The following SCAPER variants were observed in gnomAD, a reference collection of about 807,000 sequenced individuals.
SCAPER encodes the protein S-phase cyclin A associated protein in the ER.
In SCAPER, 98 loss-of-function variants were observed where a neutral mutation model predicts 182.2. The observed-to-expected ratio is 0.54, with a 90% CI of 0.46 to 0.64. SCAPER has a LOEUF of 0.64. Ranked by LOEUF, SCAPER falls within the 30% of genes least tolerant of loss-of-function variation. The pLI, the probability that SCAPER is intolerant of heterozygous loss-of-function variation, is 0.00. For missense variants in SCAPER, 1,432 were observed against 1,690.0 expected, an observed-to-expected ratio of 0.85 and a Z score of 2.68; for synonymous variants, 605 against 564.6, an observed-to-expected ratio of 1.07 and a Z score of -1.01.
chr15:76,366,556 A>G (rs2041832753), intron 29 of SCAPER, among the ~76,000 whole-genome samples: 1 of 152,194 alleles, frequency 6.6e-6, no homozygotes. Flanking sequence ...TGCTCTAAGT[A>G]TAGTAGGATA....
intron 5 of SCAPER, among the ~76,000 whole-genome samples, chr15:76,821,247 T>C (rs182589710): frequency 2.5e-3 from 379 of 152,300 alleles, no homozygotes; most frequent in Middle Eastern, 6.8e-3. Context: ...AGTACATGAA[T>C]GAATAAACAA....
intron 2 of SCAPER, among the ~76,000 whole-genome samples, chr15:76,880,077 G>T (rs1335983811): frequency 6.6e-6 from 1 of 152,140 alleles, no homozygotes; most frequent in Non-Finnish European, 1.5e-5. Context: ...GATAACTTAG[G>T]TTTGCCCCGC....
chr15:76,349,753 G>A (rs866705884), intron 31 of SCAPER: 5 of 151,828 alleles, frequency 3.3e-5, no homozygotes, highest in Admixed American at 3.3e-4. Flanking sequence ...TTGCTGTTCT[G>A]TGGGTTAAGC....
At chr15:76,687,552 A>G (rs2058098179) in intron 20 of SCAPER, among the ~76,000 whole-genome samples, 1 of 152,060 alleles carries the variant, frequency 6.6e-6, no homozygotes, top group Admixed American at 6.5e-5. Flanking sequence ...TCAACCCATG[A>G]TCTACATTAG....
chr15:76,710,324 C>T (rs185677830), intron 17 of SCAPER, among the ~76,000 whole-genome samples: 27 of 152,206 alleles, frequency 1.8e-4, no homozygotes, highest in African/African-American at 6.5e-4. Flanking sequence ...TACAGACAGT[C>T]CCCAACTTAT....
At chr15:76,752,780 A>AAG (rs1323223582) in intron 15 of SCAPER, among the ~76,000 whole-genome samples, 1 of 151,762 alleles carries the variant, frequency 6.6e-6, no homozygotes, top group South Asian at 2.1e-4. Flanking sequence ...CAAGATGAAA[A>AAG]AGAGTAATGA....
Position 76,599,013 on chromosome 15 carries a change from T to C in SCAPER, c.2711+22751A>G, listed in dbSNP as rs532267367. On this transcript the variant is annotated intron_variant, in intron 22 of 31. Transcript: ENST00000563290. ...AATATGTATTAAGCATAAGGTTACC[T>C]GCTAGATTTTAAAAAAATAATAAAA... is the stretch of plus-strand genomic sequence containing the variant. Among the ~76,000 whole-genome samples the C allele has an allele frequency of 2.5e-5, 3 of 119,762 alleles. 1 individual carries two copies. Among genetic ancestry groups the C allele is most frequent in the African/African-American group, 7.6e-5 (3 of 39,460 alleles). The allele number at this position is 119,762 out of a possible 152,430, so 78.6% of individuals were successfully genotyped here.
intron 21 of SCAPER, among the ~76,000 whole-genome samples, chr15:76,632,043 G>A (rs936805921): frequency 1.3e-5 from 2 of 152,042 alleles, no homozygotes; most frequent in Non-Finnish European, 2.9e-5. Context: ...CAGTCTTCAA[G>A]TTCTGATATC....
chr15:76,476,180 C>T (rs2050613216), intron 24 of SCAPER, among the ~76,000 whole-genome samples: 1 of 152,202 alleles, frequency 6.6e-6, no homozygotes, highest in Non-Finnish European at 1.5e-5. Flanking sequence ...GCTTCCTGGG[C>T]ATCAAAAATC....
At chr15:76,419,100 T>C (rs368733445) in intron 26 of SCAPER, among the ~76,000 whole-genome samples, 6 of 152,176 alleles carry the variant, frequency 3.9e-5, no homozygotes, top group Non-Finnish European at 5.9e-5. Context: ...GCCTAGGCTA[T>C]TGAGGCAATC....
chr15:76,859,441 T>C (rs1306974137), intron 3 of SCAPER, among the ~76,000 whole-genome samples: 1 of 152,208 alleles, frequency 6.6e-6, no homozygotes, highest in Non-Finnish European at 1.5e-5. Context: ...AGCAGGTTTT[T>C]AGAATATCCA....
intron 4 of SCAPER, among the ~76,000 whole-genome samples, chr15:76,856,963 G>T (rs2071434238): frequency 6.6e-6 from 1 of 152,242 alleles, no homozygotes; most frequent in East Asian, 1.9e-4. Context: ...ACTTTCAAAA[G>T]ATAAAGTAGG....
intron 14 of SCAPER, among the ~76,000 whole-genome samples, chr15:76,756,562 G>A (rs1037434856): frequency 1.1e-4 from 17 of 152,118 alleles, no homozygotes; most frequent in Non-Finnish European, 2.4e-4. Flanking sequence ...GGGAGACAGA[G>A]CAAGTCCCTG....
chr15:76,733,415 A>T, intron 15 of SCAPER, 31 bp from the exon 16 acceptor site: 1 of 1,603,050 alleles, frequency 6.2e-7, no homozygotes, highest in Non-Finnish European at 8.5e-7. Flanking sequence ...TAAGGTTCAG[A>T]TCAAGTTAAT....
intron 20 of SCAPER, among the ~76,000 whole-genome samples, chr15:76,688,776 T>C (rs973005773): frequency 1.3e-5 from 2 of 151,924 alleles, no homozygotes; most frequent in Middle Eastern, 6.8e-3. Context: ...TTCTGTTCCA[T>C]TGGTCTATAT....
At chr15:76,471,009 G>A (rs1397583350) in intron 25 of SCAPER, 1 of 386,438 alleles carries the variant, frequency 2.6e-6, no homozygotes, top group Non-Finnish European at 4.6e-6. Context: ...GAACTTAAAA[G>A]AATCCAATGC....
intron 2 of SCAPER, among the ~76,000 whole-genome samples, chr15:76,878,244 G>A (rs184350777): frequency 6.0e-4 from 91 of 151,658 alleles, no homozygotes; most frequent in African/African-American, 2.1e-3. Flanking sequence ...TTACAGACAC[G>A]TGTGTTTCAT....
intron 5 of SCAPER, among the ~76,000 whole-genome samples, chr15:76,813,227 T>TAAAAAAAAAAAAAAA (rs746891532): frequency 4.1e-4 from 7 of 17,224 alleles, no homozygotes; most frequent in South Asian, 4.2e-3. Flanking sequence ...ATCCTTTCAC[T>TAAAAAAAAAAAAAAA]AAAAAAAAAA....
Position 76,597,340 on chromosome 15 carries a change from G to A in SCAPER, c.2712-23056C>T, listed in dbSNP as rs1173745915. Among the ~76,000 whole-genome samples the A allele has an allele frequency of 1.6e-5, 2 of 121,918 alleles. 1 individual carries two copies. Among genetic ancestry groups the A allele is most frequent in the Non-Finnish European group, 4.0e-5 (2 of 50,118 alleles). The allele number at this position is 121,918 out of a possible 152,430, so 80.0% of individuals were successfully genotyped here. The stretch of plus-strand genomic sequence containing the variant: ...CAAATGAAAAACATTCCATGCTAAT[G>A]GATAGGAAGAATCAAATCATGAAAA... On this transcript the variant is annotated intron_variant, in intron 22 of 31. Coordinates refer to ENST00000563290, the MANE Select transcript of SCAPER (RefSeq NM_020843.4).
Sources: gnomAD v4.1 joint callset for allele counts (sites outside exome capture counted in the v4.1 genomes callset) on GRCh38, gnomAD v4.1.1 for gene constraint, MANE v1.5 for transcripts, NCBI Gene and HGNC (gene_info 2026-07-23, HGNC 2026-07-21) for gene names.